ECT2L: variants seen among roughly 807,000 people sequenced by gnomAD.
ECT2L encodes the protein epithelial cell-transforming sequence 2 oncogene-like.
ECT2L carries 126 observed loss-of-function variants against 122.8 expected under a neutral mutation model. The observed-to-expected ratio is 1.03, with a 90% CI of 0.89 to 1.19. The LOEUF is 1.19. Among genes scored for constraint, ECT2L ranks in the 50% most tolerant of loss-of-function variants. The pLI, the probability that ECT2L is intolerant of heterozygous loss-of-function variation, is 0.00. For missense variants in ECT2L, 1,012 were observed against 1,064.1 expected (o/e 0.95, Z 0.68); for synonymous variants, 385 against 381.8 (o/e 1.01, Z -0.10).
intron 4 of ECT2L, among the ~76,000 whole-genome samples, chr6:138,824,581 C>CAAAAAAAAAAAAAAAAAA (rs1491037699): frequency 1.7e-5 from 2 of 116,750 alleles, no homozygotes; most frequent in African/African-American, 3.0e-5. Flanking sequence ...AAAACAAAAA[C>CAAAAAAAAAAAAAAAAAA]AAAAAAAACA....
At chr6:138,855,754 A>G (rs574252348) in intron 10 of ECT2L, among the ~76,000 whole-genome samples, 2 of 152,352 alleles carry the variant, frequency 1.3e-5, no homozygotes, top group South Asian at 2.1e-4. Context: ...CTGGTTGGAT[A>G]TAAGTGAGTT....
At chr6:138,900,105 A>C (rs1779348689) in intron 20 of ECT2L, among the ~76,000 whole-genome samples, 1 of 152,232 alleles carries the variant, frequency 6.6e-6, no homozygotes. Flanking sequence ...CAAACTGATG[A>C]ACTATATTAG....
chr6:138,828,107 G>C (rs1368017873), intron 4 of ECT2L, among the ~76,000 whole-genome samples: 2 of 151,910 alleles, frequency 1.3e-5, no homozygotes, highest in Non-Finnish European at 2.9e-5. Flanking sequence ...CCTGGTGTGT[G>C]ATGTTCCCCT....
At position 138,883,692 on chromosome 6, in the gene ECT2L, A is replaced by C. The variant is rs548885793; in HGVS notation, c.2028+821A>C. 3.9e-5 allele frequency among the ~76,000 whole-genome samples: 6 copies of C among 152,334 alleles called. No individual in the cohort carries two copies. The South Asian group carries it at 1.2e-3, about 32-fold the overall frequency. On this transcript the variant is annotated intron_variant, in intron 16 of 21. Coordinates refer to ENST00000541398, the MANE Select transcript of ECT2L (RefSeq NM_001077706.3). The stretch of plus-strand genomic sequence containing the variant: ...CAACTTGATGATTCAAAAGTTACAT[A>C]AATAAGGTAGTTTCATAGAACCGAC...
intron 4 of ECT2L, among the ~76,000 whole-genome samples, chr6:138,816,491 C>CA (rs1776071678): frequency 1.3e-5 from 2 of 151,978 alleles, no homozygotes; most frequent in South Asian, 4.2e-4. Context: ...TTCCTTTAAA[C>CA]ATTTTTTTTT....
intron 10 of ECT2L, among the ~76,000 whole-genome samples, chr6:138,856,024 G>T (rs372821291): frequency 6.6e-6 from 1 of 152,190 alleles, no homozygotes; most frequent in African/African-American, 2.4e-5. Context: ...CTCATCAAAT[G>T]TAATATCCAC....
intron 12 of ECT2L, among the ~76,000 whole-genome samples, chr6:138,866,546 C>T (rs1778046431): frequency 1.3e-5 from 2 of 151,598 alleles, no homozygotes; most frequent in South Asian, 4.2e-4. Context: ...CCACCGTGCC[C>T]AGCCTATTTT....
At chr6:138,883,279 T>C (rs1778704185) in intron 16 of ECT2L, among the ~76,000 whole-genome samples, 1 of 152,214 alleles carries the variant, frequency 6.6e-6, no homozygotes, top group South Asian at 2.1e-4. Flanking sequence ...ATTTATGAAA[T>C]GTCACTATCA....
At chr6:138,813,907 G>C (rs908151459) in intron 3 of ECT2L, among the ~76,000 whole-genome samples, 3 of 152,152 alleles carry the variant, frequency 2.0e-5, no homozygotes, top group Non-Finnish European at 2.9e-5. Flanking sequence ...TAATAACAGT[G>C]AGTTTGTTAT....
intron 20 of ECT2L, among the ~76,000 whole-genome samples, chr6:138,898,736 C>A (rs924338327): frequency 3.9e-5 from 6 of 152,214 alleles, no homozygotes; most frequent in Non-Finnish European, 7.4e-5. Flanking sequence ...ATTATAGCAG[C>A]TTTTATGAAG....
chr6:138,868,892 C>T lies in ECT2L; in HGVS notation c.1578+686C>T, dbSNP rs538193648. On this transcript the variant is annotated intron_variant, in intron 13 of 21. Coordinates refer to ENST00000541398, the MANE Select transcript of ECT2L (RefSeq NM_001077706.3). ...TATAGGAAAATGCAATGTGGCCAGGCGTGGTGGCTTATGCCTGTAATCCCA... is the reference window on the plus strand; with the variant it reads ...TATAGGAAAATGCAATGTGGCCAGGTGTGGTGGCTTATGCCTGTAATCCCA... Among the ~76,000 whole-genome samples the T allele has an allele frequency of 5.9e-5, 9 of 152,282 alleles. No individual in the cohort carries two copies. The East Asian group carries it at 1.3e-3, about 23-fold the overall frequency.
intron 15 of ECT2L, among the ~76,000 whole-genome samples, chr6:138,881,950 C>T (rs927989934): frequency 5.3e-5 from 8 of 152,196 alleles, no homozygotes; most frequent in Admixed American, 4.6e-4. Context: ...AATAGACTGT[C>T]CATGCAAAAG....
At chr6:138,867,783 TGCG>T (rs1431577919) in intron 12 of ECT2L, among the ~76,000 whole-genome samples, 3 of 151,666 alleles carry the variant, frequency 2.0e-5, no homozygotes, top group Admixed American at 1.3e-4. Context: ...GAGCCCAGAT[TGCG>T]CCACTGCATT....
At chr6:138,808,118 T>G (rs1775772468) in intron 1 of ECT2L, among the ~76,000 whole-genome samples, 1 of 152,004 alleles carries the variant, frequency 6.6e-6, no homozygotes, top group Non-Finnish European at 1.5e-5. Context: ...AGTAATAGAT[T>G]AGAAGAATCA....
At chr6:138,802,435 C>T (rs1458358126) in intron 1 of ECT2L, among the ~76,000 whole-genome samples, 1 of 152,206 alleles carries the variant, frequency 6.6e-6, no homozygotes, top group Non-Finnish European at 1.5e-5. Context: ...AGTATGATAA[C>T]CCCATTAGAT....
At chr6:138,862,567 A>G (rs1478410500) in intron 10 of ECT2L, 60 bp from the exon 11 acceptor site, 1 of 1,494,320 alleles carries the variant, frequency 6.7e-7, no homozygotes, top group African/African-American at 1.4e-5. Flanking sequence ...TATCCAAGTT[A>G]TATGATCTTC....
At chr6:138,803,044 T>C (rs1775595572) in intron 1 of ECT2L, among the ~76,000 whole-genome samples, 4 of 149,446 alleles carry the variant, frequency 2.7e-5, no homozygotes, top group African/African-American at 9.9e-5. Flanking sequence ...CCACTTGCAC[T>C]CCAACCTGGG....
At chr6:138,899,741 A>G (rs1260079394) in intron 20 of ECT2L, among the ~76,000 whole-genome samples, 1 of 147,010 alleles carries the variant, frequency 6.8e-6, no homozygotes, top group African/African-American at 2.5e-5. Flanking sequence ...GGGTTGCTTG[A>G]TGCTTCTGGA....
At position 138,888,942 on chromosome 6, in the gene ECT2L, G is replaced by T. The variant is rs1254230895; in HGVS notation, c.2326-1G>T. 2.1e-6 allele frequency: 3 copies of T among 1,422,838 alleles called. No individual in the cohort carries two copies. The highest frequency in any genetic ancestry group is 1.7e-5 in the South Asian group (1 of 59,620). 88.1% of individuals were successfully genotyped at this position (1,422,838 alleles called of 1,614,324 possible). On this transcript the variant is annotated splice_acceptor_variant, in intron 19 of 21. Coordinates refer to ENST00000541398, the MANE Select transcript of ECT2L (RefSeq NM_001077706.3). LOFTEE classifies it high-confidence loss of function. ...TTCTAATTTTGTTTTTGATTTTACA[G>T]ACTCTATCAGAAGTAAACAGATATC...
Sources: gnomAD v4.1 joint callset for allele counts (sites outside exome capture counted in the v4.1 genomes callset) on GRCh38, gnomAD v4.1.1 for gene constraint, MANE v1.5 for transcripts, NCBI Gene and HGNC (gene_info 2026-07-23, HGNC 2026-07-21) for gene names.